NRXN1: variants seen among roughly 807,000 people sequenced by gnomAD.
NRXN1 encodes the protein neurexin 1.
NRXN1 carries 39 observed loss-of-function variants against 150.9 expected under a neutral mutation model. The observed-to-expected ratio is 0.26, with a 90% CI of 0.20 to 0.34. The LOEUF (loss-of-function observed/expected upper bound fraction) is 0.34. NRXN1 is among the 10% of genes least tolerant of loss of function. The pLI is 1.00. For missense variants in NRXN1, 1,815 were observed against 1,949.9 expected, an observed-to-expected ratio of 0.93 and a Z score of 1.30; for synonymous variants, 924 against 757.0, an observed-to-expected ratio of 1.22 and a Z score of -3.62.
At chr2:50,389,443 G>A (rs2081544095) in intron 17 of NRXN1, among the ~76,000 whole-genome samples, 1 of 151,070 alleles carries the variant, frequency 6.6e-6, no homozygotes, top group African/African-American at 2.4e-5. Context: ...TAGATTTATT[G>A]GTTAATAATA....
At chr2:50,831,650 A>C (rs1210153957) in intron 5 of NRXN1, among the ~76,000 whole-genome samples, 1 of 152,220 alleles carries the variant, frequency 6.6e-6, no homozygotes. Flanking sequence ...AAACAATTTT[A>C]AAACCCTTAA....
intron 21 of NRXN1, among the ~76,000 whole-genome samples, chr2:49,982,081 C>A (rs7565706): frequency 0.47 from 71,786 of 151,946 alleles, 17,618 homozygotes; most frequent in Middle Eastern, 0.63. Flanking sequence ...GAACCAGATT[C>A]TTCTCCAACC....
At chr2:50,666,406 A>T (rs1395227128) in intron 5 of NRXN1, among the ~76,000 whole-genome samples, 1 of 151,992 alleles carries the variant, frequency 6.6e-6, no homozygotes, top group African/African-American at 2.4e-5. Flanking sequence ...ACTGGGGAGT[A>T]TAATGGCTAG....
intron 5 of NRXN1, among the ~76,000 whole-genome samples, chr2:50,775,468 A>G (rs3850332): frequency 0.6 from 91,208 of 151,978 alleles, 27,446 homozygotes; most frequent in East Asian, 0.68. Flanking sequence ...GATCTGGAAA[A>G]TAACTATTAT....
chr2:50,245,143 C>T (rs953871910), intron 17 of NRXN1, among the ~76,000 whole-genome samples: 22 of 151,896 alleles, frequency 1.4e-4, no homozygotes, highest in African/African-American at 5.1e-4. Context: ...AGTATCCCCT[C>T]CAGGAACAGT....
intron 17 of NRXN1, among the ~76,000 whole-genome samples, chr2:50,299,324 C>A (rs999311648): frequency 6.6e-6 from 1 of 151,974 alleles, no homozygotes. Context: ...ATATATGCAT[C>A]CAGTCCTCTC....
At chr2:50,364,137 G>A (rs1478969482) in intron 17 of NRXN1, among the ~76,000 whole-genome samples, 3 of 152,254 alleles carry the variant, frequency 2.0e-5, no homozygotes, top group East Asian at 3.9e-4. Context: ...AATACCTAAT[G>A]TAGATGACAG....
At chr2:50,288,148 C>T (rs1054417836) in intron 17 of NRXN1, among the ~76,000 whole-genome samples, 10 of 152,128 alleles carry the variant, frequency 6.6e-5, no homozygotes, top group African/African-American at 2.4e-4. Flanking sequence ...GAATAACTTT[C>T]CATCAAACAT....
At chr2:49,970,678 G>C (rs535588038) in intron 21 of NRXN1, 1 of 152,162 alleles carries the variant, frequency 6.6e-6, no homozygotes. Context: ...GTCAATACTG[G>C]TAACTCTAGT....
intron 8 of NRXN1, among the ~76,000 whole-genome samples, chr2:50,606,725 C>T (rs1677191920): frequency 6.6e-6 from 1 of 151,818 alleles, no homozygotes. Context: ...ACAGTCAGTT[C>T]TTCCCTCTCA....
intron 5 of NRXN1, among the ~76,000 whole-genome samples, chr2:50,682,977 T>C (rs1690633734): frequency 6.6e-6 from 1 of 152,016 alleles, no homozygotes; most frequent in African/African-American, 2.4e-5. Context: ...TACACAAATA[T>C]TCTGTAACTA....
chr2:50,939,322 T>C (rs188015055), intron 2 of NRXN1, among the ~76,000 whole-genome samples: 43 of 152,056 alleles, frequency 2.8e-4, no homozygotes, highest in Admixed American at 5.2e-4. Flanking sequence ...CATTGTTTCC[T>C]GAATACAAAC....
At chr2:50,959,773 C>T (rs1203200865) in intron 2 of NRXN1, among the ~76,000 whole-genome samples, 1 of 152,190 alleles carries the variant, frequency 6.6e-6, no homozygotes, top group Non-Finnish European at 1.5e-5. Context: ...CACATACACA[C>T]ATATGCACAC....
intron 17 of NRXN1, among the ~76,000 whole-genome samples, chr2:50,254,859 A>C (rs553964609): frequency 1.0e-3 from 152 of 152,110 alleles, no homozygotes; most frequent in African/African-American, 3.5e-3. Context: ...CATGCTTGAA[A>C]GCAGTGGTGT....
At chr2:50,662,818 A>C (rs1381040291) in intron 5 of NRXN1, among the ~76,000 whole-genome samples, 1 of 151,968 alleles carries the variant, frequency 6.6e-6, no homozygotes, top group Non-Finnish European at 1.5e-5. Context: ...GCTTATAAGG[A>C]ATAAGATGAG....
At chr2:50,713,874 A>G (rs1422221319) in intron 5 of NRXN1, among the ~76,000 whole-genome samples, 1 of 152,148 alleles carries the variant, frequency 6.6e-6, no homozygotes, top group African/African-American at 2.4e-5. Context: ...TGCAATAGAA[A>G]TACAATGTGA....
chr2:50,001,098 T>C (rs1683842368), intron 21 of NRXN1, among the ~76,000 whole-genome samples: 1 of 152,148 alleles, frequency 6.6e-6, no homozygotes, highest in Non-Finnish European at 1.5e-5. Flanking sequence ...CAGACCATTG[T>C]AGTCAGTGGC....
chr2:50,406,575 C>A (rs2082763010), intron 17 of NRXN1, among the ~76,000 whole-genome samples: 1 of 151,976 alleles, frequency 6.6e-6, no homozygotes, highest in South Asian at 2.1e-4. Context: ...CTATATCTAG[C>A]CAGGTGTAGG....
chr2:50,979,923 G>C (rs930176030), intron 2 of NRXN1, among the ~76,000 whole-genome samples: 1 of 152,062 alleles, frequency 6.6e-6, no homozygotes, highest in African/African-American at 2.4e-5. Flanking sequence ...CCCATGATTA[G>C]AAGCCAACTA....
Sources: allele counts gnomAD v4.1 joint callset (sites outside exome capture counted in the v4.1 genomes callset), GRCh38; gene constraint gnomAD v4.1.1; transcripts MANE v1.5; gene names NCBI Gene and HGNC (gene_info 2026-07-23, HGNC 2026-07-21).